The following ANO10 variants were observed in gnomAD, a reference collection of about 807,000 sequenced individuals.
ANO10 encodes the protein anoctamin-10.
ANO10 carries 77 observed loss-of-function variants against 74.7 expected under a neutral mutation model. That is an observed-to-expected ratio of 1.03 (90% CI 0.86 to 1.25). The LOEUF is 1.25. Ranked by LOEUF, ANO10 falls within the 50% of genes most tolerant of loss-of-function variation. The pLI, the probability that ANO10 is intolerant of heterozygous loss-of-function variation, is 0.00. For synonymous variants in ANO10, 279 were observed against 284.9 expected (o/e 0.98, Z 0.21); for missense variants, 721 against 778.1 (o/e 0.93, Z 0.87).
rs547780537 is a variant in ANO10, at chr3:43,594,649, A to G, written c.472+3883T>C. ...AAATTTATAGCACTAAATGCCCACA[A>G]GAGAAAGCAGGAAAAGATCTAAAAT... On this transcript the variant is annotated intron_variant, in intron 4 of 12. Transcript: ENST00000292246. 8.3e-4 allele frequency among the ~76,000 whole-genome samples: 127 copies of G among 152,340 alleles called. 1 individual carries two copies. Among genetic ancestry groups the G allele is most frequent in the African/African-American group, 2.8e-3 (118 of 41,582 alleles).
intron 1 of ANO10, among the ~76,000 whole-genome samples, chr3:43,672,653 C>T (rs1463313564): frequency 6.6e-6 from 1 of 152,050 alleles, no homozygotes; most frequent in African/African-American, 2.4e-5. Flanking sequence ...AACGTGTATC[C>T]CCATCTGTGC....
intron 5 of ANO10, among the ~76,000 whole-genome samples, chr3:43,579,156 A>C (rs1203368279): frequency 6.6e-6 from 1 of 152,194 alleles, no homozygotes; most frequent in Non-Finnish European, 1.5e-5. Flanking sequence ...AACCAGACTA[A>C]AATATTTGAA....
rs371063079 is a variant in ANO10, at chr3:43,576,988, T to C, written c.866A>G (p.His289Arg). The C allele has an allele frequency of 1.9e-6, 3 of 1,613,586 alleles. No individual in the cohort carries two copies. The highest frequency in any genetic ancestry group is 2.5e-6 in the Non-Finnish European group (3 of 1,179,640). ...RKFEEPRPGF[H>R]GVLGINSITG... ...GATGGAATTGATACCCAAGACACCA[T>C]GAAATCCTGGCCGGGGCTCCTCAAA... Residue 289 changes from histidine to arginine, a missense_variant, in exon 6 of 13, where the codon CAT becomes CGT. Coordinates refer to ENST00000292246, the MANE Select transcript of ANO10 (RefSeq NM_018075.5).
chr3:43,427,922 C>G (rs1378733936), intron 12 of ANO10, among the ~76,000 whole-genome samples: 1 of 152,144 alleles, frequency 6.6e-6, no homozygotes, highest in African/African-American at 2.4e-5. Context: ...AAATGTTTGT[C>G]TCTCCTGGTT....
At chr3:43,456,018 T>C (rs553355122) in intron 11 of ANO10, among the ~76,000 whole-genome samples, 31 of 152,216 alleles carry the variant, frequency 2.0e-4, no homozygotes, top group African/African-American at 7.2e-4. Context: ...TAAAAAACAT[T>C]TAAGCACCTA....
intron 11 of ANO10, among the ~76,000 whole-genome samples, chr3:43,440,391 A>G (rs1282594674): frequency 6.6e-6 from 1 of 152,172 alleles, no homozygotes; most frequent in Non-Finnish European, 1.5e-5. Flanking sequence ...ACAAAAAGAG[A>G]GCCAGAATGA....
intron 12 of ANO10, among the ~76,000 whole-genome samples, chr3:43,421,469 G>A (rs141320388): frequency 5.1e-4 from 78 of 152,284 alleles, no homozygotes; most frequent in African/African-American, 1.8e-3. Flanking sequence ...AGGCTGCAGT[G>A]AGCATGCATT....
At chr3:43,446,952 C>T (rs2093255516) in intron 11 of ANO10, among the ~76,000 whole-genome samples, 1 of 152,106 alleles carries the variant, frequency 6.6e-6, no homozygotes, top group East Asian at 1.9e-4. Flanking sequence ...GTGCCTCCTG[C>T]CCACATGTAC....
intron 1 of ANO10, among the ~76,000 whole-genome samples, chr3:43,661,128 GA>G (rs1308952574): frequency 6.6e-6 from 1 of 151,996 alleles, no homozygotes; most frequent in Non-Finnish European, 1.5e-5. Flanking sequence ...TGAAATGAAG[GA>G]AAAAAATGTT....
intron 11 of ANO10, among the ~76,000 whole-genome samples, chr3:43,489,343 A>T (rs1051369699): frequency 3.3e-5 from 5 of 151,564 alleles, no homozygotes; most frequent in Admixed American, 2.0e-4. Context: ...AATAAAAATT[A>T]AAAAAAAATC....
At chr3:43,629,106 T>C (rs954778827) in intron 1 of ANO10, among the ~76,000 whole-genome samples, 4 of 152,224 alleles carry the variant, frequency 2.6e-5, no homozygotes, top group Non-Finnish European at 5.9e-5. Flanking sequence ...CAACATGTGA[T>C]GTCTCCCCCG....
chr3:43,447,769 T>C (rs901148096), intron 11 of ANO10, among the ~76,000 whole-genome samples: 6 of 152,326 alleles, frequency 3.9e-5, no homozygotes, highest in Admixed American at 2.0e-4. Flanking sequence ...TGTATACCTG[T>C]CATTCTCCCA....
chr3:43,628,542 T>C (rs916417894), intron 1 of ANO10, among the ~76,000 whole-genome samples: 1 of 152,168 alleles, frequency 6.6e-6, no homozygotes, highest in African/African-American at 2.4e-5. Context: ...CAGCAATGTT[T>C]AGGAAACAAG....
intron 1 of ANO10, among the ~76,000 whole-genome samples, chr3:43,654,829 C>T (rs1458255420): frequency 1.3e-5 from 2 of 152,190 alleles, no homozygotes; most frequent in African/African-American, 4.8e-5. Flanking sequence ...TTGGCCCTAC[C>T]TCTGACTTTA....
In ANO10 at chr3:43,471,167, C is replaced by G. The variant is rs182193176; in HGVS notation, c.1798-38440G>C. ...TGACCCAGAAAATATTTAGAAAACACTTTCCCCCAGTTGGAAACCTATTTA... is the reference window on the plus strand; with the variant it reads ...TGACCCAGAAAATATTTAGAAAACAGTTTCCCCCAGTTGGAAACCTATTTA... On this transcript the variant is annotated intron_variant, in intron 11 of 12. Transcript: ENST00000292246. Among the ~76,000 whole-genome samples the G allele has an allele frequency of 8.5e-5, 13 of 152,278 alleles. No individual in the cohort carries two copies. In the East Asian group the frequency reaches 2.3e-3, roughly 27 times the overall value.
chr3:43,391,928 T>C (rs2092282928), intron 12 of ANO10, among the ~76,000 whole-genome samples: 3 of 152,106 alleles, frequency 2.0e-5, no homozygotes, highest in Non-Finnish European at 2.9e-5. Flanking sequence ...AGTCTGGGGG[T>C]AATTTGTTAC....
In ANO10 at chr3:43,652,618, G is replaced by C. The variant is rs1309941192; in HGVS notation, c.-12+38899C>G. ...ATAAATAAAACTAAACCACTGGATA[G>C]TACACCTTAAGTGGGTGGATTTTAA... On this transcript the variant is annotated intron_variant, in intron 1 of 3. Coordinates refer to the ANO10 transcript ENST00000413397. Among the ~76,000 whole-genome samples, 24 of 152,220 alleles carry C rather than the reference G, an allele frequency of 1.6e-4. No individual in the cohort carries two copies. The South Asian group carries it at 4.6e-3, about 29-fold the overall frequency.
chr3:43,413,908 C>T (rs935162683), intron 12 of ANO10, among the ~76,000 whole-genome samples: 1 of 151,724 alleles, frequency 6.6e-6, no homozygotes, highest in African/African-American at 2.4e-5. Context: ...GGTCCATCTC[C>T]CCCTGCCTCC....
At chr3:43,643,272 C>T (rs2083689823) in intron 1 of ANO10, among the ~76,000 whole-genome samples, 1 of 151,728 alleles carries the variant, frequency 6.6e-6, no homozygotes. Flanking sequence ...ACGTCATGAT[C>T]CACCCGCCTC....
Sources: gnomAD v4.1 joint callset for allele counts (sites outside exome capture counted in the v4.1 genomes callset) on GRCh38, gnomAD v4.1.1 for gene constraint, MANE v1.5 for transcripts, NCBI Gene and HGNC (gene_info 2026-07-23, HGNC 2026-07-21) for gene names.